LRRC53: variants seen among roughly 807,000 people sequenced by gnomAD.
LRRC53 encodes the protein leucine-rich repeat-containing protein 53.
LRRC53 carries 25 observed loss-of-function variants against 13.6 expected under a neutral mutation model. That is an observed-to-expected ratio of 1.83 (90% CI 1.34 to 2.56). The LOEUF (loss-of-function observed/expected upper bound fraction) is 2.56, where lower values mean the gene tolerates loss of function less well. Among genes scored for constraint, LRRC53 ranks in the 30% most tolerant of loss-of-function variants. The probability of loss-of-function intolerance (pLI) is 0.00; values close to 1 mark genes in which losing one functional copy is unlikely to be tolerated. For synonymous variants in LRRC53, 204 were observed against 109.8 expected, an observed-to-expected ratio of 1.86 and a Z score of -5.37; for missense variants, 527 against 275.8, an observed-to-expected ratio of 1.91 and a Z score of -6.45.
At chr1:74,532,831 A>G in the LRRC53 span, among the ~76,000 whole-genome samples, 2 of 152,186 alleles carry the variant, frequency 1.3e-5, no homozygotes, top group Non-Finnish European at 2.9e-5. Flanking sequence ...TCCCTATTTA[A>G]TAAATGGTGC....
intron 1 of LRRC53, among the ~76,000 whole-genome samples, chr1:74,500,350 TTTA>T (rs1364682630): frequency 3.3e-5 from 5 of 151,926 alleles, no homozygotes; most frequent in Admixed American, 6.6e-5. Context: ...TTAAAAATTA[TTTA>T]AGCCTTGGGA....
At chr1:74,490,040 T>C (rs1028459874) in intron 1 of LRRC53, among the ~76,000 whole-genome samples, 6 of 30,670 alleles carry the variant, frequency 2.0e-4, no homozygotes, top group Non-Finnish European at 4.4e-4. Context: ...AAAAGCAGGA[T>C]TTTTTTTTCT....
At chr1:74,522,984 AG>A in the LRRC53 span, among the ~76,000 whole-genome samples, 1 of 152,224 alleles carries the variant, frequency 6.6e-6, no homozygotes, top group African/African-American at 2.4e-5. Flanking sequence ...TACTAATGAG[AG>A]GGGAAACCCC....
Position 74,471,960 on chromosome 1 carries a change from A to G in LRRC53, c.1662T>C (p.Pro554=), listed in dbSNP as rs1157361689. The G allele has an allele frequency of 3.3e-6, 2 of 614,134 alleles. No homozygotes were observed. Among genetic ancestry groups the G allele is most frequent in the Non-Finnish European group, 5.9e-6 (2 of 341,458 alleles). 38.0% of individuals were successfully genotyped at this position (614,134 alleles called of 1,614,324 possible). The change falls in exon 5 of 5, where the codon CCT becomes CCC. Residue 554 remains proline (P), a synonymous_variant. Transcript: ENST00000294635. Reference sequence around the variant, plus strand: ...GTTTGCTCTGTTTTAACAGTCCACAAGGATCATCATATTTTGATCTATTTT... The same window carrying G: ...GTTTGCTCTGTTTTAACAGTCCACAGGGATCATCATATTTTGATCTATTTT... ...VQKNRSKYDD[P]CGLLKQSKPR...
At chr1:74,532,335 G>T in the LRRC53 span, among the ~76,000 whole-genome samples, 1 of 152,054 alleles carries the variant, frequency 6.6e-6, no homozygotes, top group Non-Finnish European at 1.5e-5. Context: ...TCTCTAAGAA[G>T]AATTTAGCGT....
upstream of LRRC53, among the ~76,000 whole-genome samples, chr1:74,513,931 T>C (rs1331814865): frequency 6.6e-6 from 1 of 152,228 alleles, no homozygotes; most frequent in Non-Finnish European, 1.5e-5. Context: ...CCTTTGTTTT[T>C]CTATAGACTA....
intron 1 of LRRC53, among the ~76,000 whole-genome samples, chr1:74,500,397 C>T (rs1669553464): frequency 6.6e-6 from 1 of 151,238 alleles, no homozygotes; most frequent in African/African-American, 2.4e-5. Flanking sequence ...GTCAGGAGAT[C>T]GAGACCATCC....
At chr1:74,515,043 C>T (rs572918178), upstream of LRRC53, among the ~76,000 whole-genome samples, 1 of 152,050 alleles carries the variant, frequency 6.6e-6, no homozygotes, top group Non-Finnish European at 1.5e-5. Flanking sequence ...GGATCGTAGC[C>T]CTCACCAGAA....
intron 1 of LRRC53, among the ~76,000 whole-genome samples, chr1:74,494,484 T>C (rs1036167238): frequency 3.3e-5 from 5 of 152,214 alleles, no homozygotes; most frequent in African/African-American, 1.2e-4. Context: ...TAGTCTCTTG[T>C]ATAATTTCAA....
At chr1:74,488,623 T>A (rs1018751857) in intron 1 of LRRC53, among the ~76,000 whole-genome samples, 1 of 152,216 alleles carries the variant, frequency 6.6e-6, no homozygotes, top group Non-Finnish European at 1.5e-5. Context: ...AACTTTTTTT[T>A]AACCAAACTC....
At chr1:74,507,233 C>CCT (rs397717161) in intron 1 of LRRC53, among the ~76,000 whole-genome samples, 1 of 140,912 alleles carries the variant, frequency 7.1e-6, no homozygotes, top group South Asian at 2.6e-4. Context: ...ACCCCCCCCC[C>CCT]ATCTTTTTAA....
upstream of LRRC53, among the ~76,000 whole-genome samples, chr1:74,517,288 G>A (rs1182526306): frequency 6.6e-6 from 1 of 152,152 alleles, no homozygotes; most frequent in Non-Finnish European, 1.5e-5. Context: ...GTAAATCAAT[G>A]CCTCATTAAC....
chr1:74,495,098 T>C (rs1281744590), intron 1 of LRRC53, among the ~76,000 whole-genome samples: 2 of 152,214 alleles, frequency 1.3e-5, no homozygotes, highest in South Asian at 2.1e-4. Flanking sequence ...TTTGATATTC[T>C]CATAAAGTGT....
upstream of LRRC53, among the ~76,000 whole-genome samples, chr1:74,512,831 C>A (rs1052440092): frequency 6.6e-6 from 1 of 152,150 alleles, no homozygotes; most frequent in Non-Finnish European, 1.5e-5. Context: ...TCAAAATGGG[C>A]ACCCCCTGCA....
chr1:74,535,529 A>C, the LRRC53 span, among the ~76,000 whole-genome samples: 5,997 of 152,206 alleles, frequency 0.039, 184 homozygotes, highest in East Asian at 0.081. Context: ...CTGGGACGTC[A>C]CTTGTCACAT....
At chr1:74,493,688 CTA>C (rs1224103520) in intron 1 of LRRC53, among the ~76,000 whole-genome samples, 1 of 152,164 alleles carries the variant, frequency 6.6e-6, no homozygotes, top group Admixed American at 6.5e-5. Context: ...GCGTTCAGGT[CTA>C]TTCCTTGGGT....
Position 74,483,294 on chromosome 1 carries a change from A to G in LRRC53, c.56T>C (p.Val19Ala). The change falls in exon 2 of 5, where the codon GTA becomes GCA. Residue 19 changes from valine (V) to alanine (A), a missense_variant. Coordinates refer to ENST00000294635, the MANE Select transcript of LRRC53 (RefSeq NM_001382280.1). Reference sequence around the variant, plus strand: ...ATAGGTTAGCTGGTGACAGAGGGTTACATCTTTGGTGCACACCACACATGA... The same window carrying G: ...ATAGGTTAGCTGGTGACAGAGGGTTGCATCTTTGGTGCACACCACACATGA... ...PESCVVCTKD[V>A]TLCHQLTYIV... 1.4e-6 allele frequency: 1 copy of G among 717,550 alleles called. No individual in the cohort carries two copies. The highest frequency in any genetic ancestry group is 2.6e-6 in the Non-Finnish European group (1 of 385,002). 44.4% of individuals were successfully genotyped at this position (717,550 alleles called of 1,614,324 possible).
intron 3 of LRRC53, among the ~76,000 whole-genome samples, chr1:74,478,276 G>C (rs889853520): frequency 1.3e-5 from 2 of 152,076 alleles, no homozygotes; most frequent in Non-Finnish European, 2.9e-5. Flanking sequence ...AGATATATTA[G>C]TATGATAATT....
chr1:74,490,203 T>A (rs140814803), intron 1 of LRRC53, among the ~76,000 whole-genome samples: 1 of 152,152 alleles, frequency 6.6e-6, no homozygotes, highest in Non-Finnish European at 1.5e-5. Flanking sequence ...AAAAGAAGCT[T>A]CAGTGTTTAG....
Sources: allele counts gnomAD v4.1 joint callset (sites outside exome capture counted in the v4.1 genomes callset), GRCh38; gene constraint gnomAD v4.1.1; transcripts MANE v1.5; gene names NCBI Gene and HGNC (gene_info 2026-07-23, HGNC 2026-07-21).